DAP3: variants seen among roughly 807,000 people sequenced by gnomAD.
DAP3 encodes the protein small ribosomal subunit protein mS29.
DAP3 carries 28 observed loss-of-function variants against 51.9 expected under a neutral mutation model. That is an observed-to-expected ratio of 0.54 (90% CI 0.40 to 0.74). The LOEUF is 0.74. DAP3 is among the 30% of genes least tolerant of loss of function. The pLI, the probability that DAP3 is intolerant of heterozygous loss-of-function variation, is 0.00. For synonymous variants in DAP3, 170 were observed against 170.3 expected, an observed-to-expected ratio of 1.00 and a Z score of 0.01; for missense variants, 458 against 483.5, an observed-to-expected ratio of 0.95 and a Z score of 0.49.
chr1:155,693,902 A>G (rs1654183777), intron 1 of DAP3, among the ~76,000 whole-genome samples: 1 of 141,226 alleles, frequency 7.1e-6, no homozygotes, highest in Admixed American at 6.6e-5. Context: ...CGGAGGTTGC[A>G]GTGAGCTGAG....
chr1:155,723,332 T>C (rs1658207696), intron 4 of DAP3, among the ~76,000 whole-genome samples: 1 of 152,038 alleles, frequency 6.6e-6, no homozygotes, highest in Non-Finnish European at 1.5e-5. Flanking sequence ...CCAGCCCTGA[T>C]GTGACTTTTT....
chr1:155,714,500 C>A (rs1271385406), intron 2 of DAP3, among the ~76,000 whole-genome samples: 1 of 152,186 alleles, frequency 6.6e-6, no homozygotes, highest in African/African-American at 2.4e-5. Context: ...CATAGTGGCT[C>A]ACACCCATAA....
chr1:155,689,003 G>A, upstream of DAP3: 1 of 1,597,122 alleles, frequency 6.3e-7, no homozygotes, highest in Non-Finnish European at 8.5e-7. Flanking sequence ...GATCGAGGGC[G>A]GCCTAGCGCC....
At chr1:155,689,589 T>C in intron 1 of DAP3, 2 of 368,676 alleles carry the variant, frequency 5.4e-6, no homozygotes, top group Non-Finnish European at 1.1e-5. Flanking sequence ...ATTAGGCAAC[T>C]CCAAACATGC....
chr1:155,689,651 C>T (rs1213100388), intron 1 of DAP3: 1 of 345,896 alleles, frequency 2.9e-6, no homozygotes, highest in Admixed American at 4.0e-5. Flanking sequence ...CGGTGGCTCA[C>T]GCCTGTAATC....
chr1:155,738,562 C>T lies in DAP3; in HGVS notation c.*320C>T. Reference sequence around the variant, plus strand: ...GTTAGATTAATAATATGGAAGGAGTCTTTAGATTGGCCAAATTGCATTTCT... The same window carrying T: ...GTTAGATTAATAATATGGAAGGAGTTTTTAGATTGGCCAAATTGCATTTCT... On this transcript the variant is annotated 3_prime_UTR_variant, in exon 13 of 13. Transcript: ENST00000368336. The T allele has an allele frequency of 4.2e-6, 1 of 240,852 alleles. No individual in the cohort carries two copies. The highest frequency in any genetic ancestry group is 8.0e-6 in the Non-Finnish European group (1 of 124,352). The allele number at this position is 240,852 out of a possible 1,614,324, so 14.9% of individuals were successfully genotyped here.
intron 2 of DAP3, among the ~76,000 whole-genome samples, chr1:155,715,634 A>G (rs548786233): frequency 6.6e-6 from 1 of 152,294 alleles, no homozygotes; most frequent in African/African-American, 2.4e-5. Flanking sequence ...ACTATCCATT[A>G]TATTTCTGTT....
chr1:155,691,590 C>T (rs1254036871), intron 1 of DAP3, among the ~76,000 whole-genome samples: 1 of 141,688 alleles, frequency 7.1e-6, no homozygotes, highest in Admixed American at 6.6e-5. Flanking sequence ...TTTTATTTCT[C>T]TTTTATACCT....
At chr1:155,737,402 G>A (rs1193685244) in intron 12 of DAP3, among the ~76,000 whole-genome samples, 1 of 152,062 alleles carries the variant, frequency 6.6e-6, no homozygotes, top group Non-Finnish European at 1.5e-5. Flanking sequence ...CTCATGCTGG[G>A]ACACCCACAG....
intron 7 of DAP3, among the ~76,000 whole-genome samples, chr1:155,728,494 A>C (rs1658844641): frequency 6.6e-6 from 1 of 152,042 alleles, no homozygotes; most frequent in Admixed American, 6.6e-5. Flanking sequence ...CCTGGGAATC[A>C]GAGGTTTCAG....
In DAP3 at chr1:155,717,050, A is replaced by G; in HGVS notation, c.90A>G (p.Gln30=). 6.2e-7 allele frequency: 1 copy of G among 1,614,104 alleles called. No homozygotes were observed. The highest frequency in any genetic ancestry group is 8.5e-7 in the Non-Finnish European group (1 of 1,180,018). ...RFLHMGTQAR[Q]SIAAHLDNQV... is the part of the protein sequence containing the mutation. The stretch of plus-strand genomic sequence containing the variant: ...TACACATGGGGACCCAGGCTCGCCA[A>G]AGCATTGCTGCTCACCTAGATAACC... Residue 30 remains glutamine (Q), a synonymous_variant, in exon 3 of 13, where the codon CAA becomes CAG. Coordinates refer to ENST00000368336, the MANE Select transcript of DAP3 (RefSeq NM_004632.4).
chr1:155,738,471 G>T lies in DAP3; in HGVS notation c.*229G>T. ...ACTTTATATCAGTTTATTGGATGTGGTTTTTCACATTTAAGATAATTATGG... is the reference window on the plus strand; with the variant it reads ...ACTTTATATCAGTTTATTGGATGTGTTTTTTCACATTTAAGATAATTATGG... On this transcript the variant is annotated 3_prime_UTR_variant, in exon 13 of 13. Transcript: ENST00000368336. 2 of 433,590 alleles carry T rather than the reference G, an allele frequency of 4.6e-6. No homozygotes were observed. The highest frequency in any genetic ancestry group is 1.2e-4 in the South Asian group (2 of 16,574). 26.9% of individuals were successfully genotyped at this position (433,590 alleles called of 1,614,324 possible). A position where few individuals can be genotyped will look rare whatever the true frequency, so the allele number is the denominator to read the frequency against.
chr1:155,701,901 A>G (rs1261559501), intron 1 of DAP3, among the ~76,000 whole-genome samples: 1 of 150,636 alleles, frequency 6.6e-6, no homozygotes, highest in Non-Finnish European at 1.5e-5. Flanking sequence ...TGGGGTCAGC[A>G]GGTTTCGTAG....
intron 11 of DAP3, among the ~76,000 whole-genome samples, chr1:155,734,211 A>G (rs1462961834): frequency 6.6e-6 from 1 of 151,988 alleles, no homozygotes; most frequent in African/African-American, 2.4e-5. Flanking sequence ...AAATGTCCCC[A>G]TCATTATTTT....
Position 155,727,746 on chromosome 1 carries a change from G to C in DAP3, c.603+8G>C, listed in dbSNP as rs762325423. 3.1e-6 allele frequency: 5 copies of C among 1,613,274 alleles called. No homozygotes were observed. The highest frequency in any genetic ancestry group is 1.6e-4 in the Middle Eastern group (1 of 6,062). On this transcript the variant is annotated splice_region_variant and intron_variant, in intron 7 of 12. Coordinates refer to ENST00000368336, the MANE Select transcript of DAP3 (RefSeq NM_004632.4). Reference sequence around the variant, plus strand: ...GAGCGCTTCCTGAACCAGGTGACTAGACTCCCAGAAGTTGAGTGCTAGGTA... The same window carrying C: ...GAGCGCTTCCTGAACCAGGTGACTACACTCCCAGAAGTTGAGTGCTAGGTA...
chr1:155,706,438 A>C (rs1655975885), intron 1 of DAP3, among the ~76,000 whole-genome samples: 1 of 151,866 alleles, frequency 6.6e-6, no homozygotes, highest in Non-Finnish European at 1.5e-5. Flanking sequence ...ATTGGTTGCA[A>C]CTCTATGGTT....
chr1:155,697,655 G>A (rs1041098041), intron 1 of DAP3, among the ~76,000 whole-genome samples: 4 of 152,222 alleles, frequency 2.6e-5, no homozygotes, highest in Admixed American at 6.5e-5. Context: ...GAGGCAGAGC[G>A]AGATCACAAG....
intron 2 of DAP3, among the ~76,000 whole-genome samples, chr1:155,715,202 CA>C (rs113796623): frequency 0.11 from 9,768 of 89,132 alleles, 395 homozygotes; most frequent in African/African-American, 0.19. Context: ...GACTCCATCT[CA>C]AAAAAAAAAA....
chr1:155,724,593 A>G (rs1207979809), intron 4 of DAP3, among the ~76,000 whole-genome samples: 1 of 149,254 alleles, frequency 6.7e-6, no homozygotes, highest in Non-Finnish European at 1.5e-5. Context: ...AGATCACACC[A>G]CTGCACTCTA....
Sources: gnomAD v4.1 joint callset for allele counts (sites outside exome capture counted in the v4.1 genomes callset) on GRCh38, gnomAD v4.1.1 for gene constraint, MANE v1.5 for transcripts, NCBI Gene and HGNC (gene_info 2026-07-23, HGNC 2026-07-21) for gene names.